Variants in RAB20 observed in about 807,000 individuals in gnomAD.
RAB20 encodes the protein RAB20, member RAS oncogene family.
A neutral mutation model predicts 3.7 loss-of-function variants in RAB20; 2 were observed. The observed-to-expected ratio is 0.54, with a 90% confidence interval of 0.22 to 1.69. The LOEUF (loss-of-function observed/expected upper bound fraction) is 1.69. RAB20 is among the 40% of genes most tolerant of loss of function. The probability of loss-of-function intolerance (pLI) is 0.19; values close to 1 mark genes in which losing one functional copy is unlikely to be tolerated. For missense variants in RAB20, 276 were observed against 311.9 expected, an observed-to-expected ratio of 0.88 and a Z score of 0.87; for synonymous variants, 126 against 130.8, an observed-to-expected ratio of 0.96 and a Z score of 0.25.
At chr13:110,546,470 C>T (rs939364675) in intron 1 of RAB20, among the ~76,000 whole-genome samples, 2 of 152,158 alleles carry the variant, frequency 1.3e-5, no homozygotes, top group African/African-American at 4.8e-5. Flanking sequence ...GAGATGGTAG[C>T]GTCCCGAAAG....
chr13:110,524,676 C>T (rs572742535), intron 1 of RAB20, among the ~76,000 whole-genome samples: 1 of 152,366 alleles, frequency 6.6e-6, no homozygotes, highest in East Asian at 1.9e-4. Flanking sequence ...CCCCTGGGTG[C>T]TCCCAGCTGC....
At chr13:110,557,814 C>A (rs967430803) in intron 1 of RAB20, among the ~76,000 whole-genome samples, 1 of 152,240 alleles carries the variant, frequency 6.6e-6, no homozygotes, top group African/African-American at 2.4e-5. Flanking sequence ...GCCTCCCGGC[C>A]GCCAGGCCAC....
intron 1 of RAB20, among the ~76,000 whole-genome samples, chr13:110,546,411 C>T (rs770940312): frequency 2.0e-5 from 3 of 152,172 alleles, no homozygotes; most frequent in Non-Finnish European, 4.4e-5. Flanking sequence ...AAAGGTACAA[C>T]CCTAAATTCA....
chr13:110,560,109 T>G lies in RAB20; in HGVS notation c.172+1239A>C, dbSNP rs921635795. Among the ~76,000 whole-genome samples, 65 of 152,216 alleles carry G rather than the reference T, an allele frequency of 4.3e-4. 2 individuals carry two copies. The highest frequency in any genetic ancestry group is 3.9e-3 in the Admixed American group (60 of 15,274). ...CGTGAATTGGGTTCGATTTGACTTC[T>G]AGAGCGTGTGTTCCATCGTTACCAA... On this transcript the variant is annotated intron_variant, in intron 1 of 1. Coordinates refer to ENST00000267328, the MANE Select transcript of RAB20 (RefSeq NM_017817.3).
At chr13:110,540,152 G>T (rs974325109) in intron 1 of RAB20, among the ~76,000 whole-genome samples, 1 of 152,202 alleles carries the variant, frequency 6.6e-6, no homozygotes, top group Non-Finnish European at 1.5e-5. Context: ...TTAACACTCC[G>T]ATATTAACAG....
intron 1 of RAB20, among the ~76,000 whole-genome samples, chr13:110,558,775 T>C (rs1161219117): frequency 7.0e-6 from 1 of 142,502 alleles, no homozygotes; most frequent in Non-Finnish European, 1.5e-5. Flanking sequence ...CTTGGCTCAC[T>C]GCAACCTCTG....
At chr13:110,548,960 G>A (rs1289231625) in intron 1 of RAB20, among the ~76,000 whole-genome samples, 3 of 152,216 alleles carry the variant, frequency 2.0e-5, no homozygotes, top group Non-Finnish European at 4.4e-5. Context: ...GCCAGGTAAG[G>A]GCTGGGTCCC....
chr13:110,537,995 G>C (rs979363301), intron 1 of RAB20, among the ~76,000 whole-genome samples: 5 of 152,136 alleles, frequency 3.3e-5, no homozygotes, highest in African/African-American at 1.2e-4. Flanking sequence ...TTAGAAAAAA[G>C]AATGAAGGCC....
Position 110,561,585 on chromosome 13 carries a change from G to A in RAB20, c.-66C>T, listed in dbSNP as rs1009449353. On this transcript the variant is annotated 5_prime_UTR_variant, in exon 1 of 2. Coordinates refer to ENST00000267328, the MANE Select transcript of RAB20 (RefSeq NM_017817.3). ...GAGGCTGGCCGGCTCGTGCGCCCTG[G>A]GCGCAGCTGGAGGAGCGGACCCCGG... is the stretch of plus-strand genomic sequence containing the variant. 32 of 1,496,172 alleles carry A rather than the reference G, an allele frequency of 2.1e-5. No homozygotes were observed. Among genetic ancestry groups the A allele is most frequent in the Non-Finnish European group, 2.8e-5 (31 of 1,125,858 alleles). The allele number at this position is 1,496,172 out of a possible 1,614,324, so 92.7% of individuals were successfully genotyped here. A position where few individuals can be genotyped will look rare whatever the true frequency, so the allele number is the denominator to read the frequency against.
intron 1 of RAB20, among the ~76,000 whole-genome samples, chr13:110,543,771 G>GTTTT (rs139608593): frequency 7.7e-5 from 6 of 78,370 alleles, no homozygotes; most frequent in African/African-American, 3.1e-4. Context: ...TCAAATGTGG[G>GTTTT]TTATTTTTTT....
In RAB20 at chr13:110,536,986, G is replaced by GTT. The variant is rs147636207; in HGVS notation, c.173-12791_173-12790dup. 2.5e-3 allele frequency among the ~76,000 whole-genome samples: 276 copies of GTT among 109,564 alleles called. 7 individuals carry two copies. Among genetic ancestry groups the GTT allele is most frequent in the African/African-American group, 0.01 (258 of 25,220 alleles). 71.9% of individuals were successfully genotyped at this position (109,564 alleles called of 152,430 possible). ...GATGTTCCCCTTCCTGTGTCCAAGT[G>GTT]TTTTTTTTTGTGTGAGACAGGGTCT... On this transcript the variant is annotated intron_variant, in intron 1 of 1. Coordinates refer to ENST00000267328, the MANE Select transcript of RAB20 (RefSeq NM_017817.3).
chr13:110,557,981 G>A (rs1336802761), intron 1 of RAB20, among the ~76,000 whole-genome samples: 5 of 152,244 alleles, frequency 3.3e-5, no homozygotes. Flanking sequence ...TTCACTTCTT[G>A]CCTGCCTTTC....
rs190960079 is a variant in RAB20 at position 110,537,049 on chromosome 13, G to A, written c.173-12852C>T. ...CAGGCTGGAGTGCAGTGGTGCAATC[G>A]TAGCTCATTGCAGCTGTGACCTCCC... On this transcript the variant is annotated intron_variant, in intron 1 of 1. Transcript: ENST00000267328. Among the ~76,000 whole-genome samples, 71 of 150,998 alleles carry A rather than the reference G, an allele frequency of 4.7e-4. No individual in the cohort carries two copies. The East Asian group carries it at 9.0e-3, about 19-fold the overall frequency.
intron 1 of RAB20, among the ~76,000 whole-genome samples, chr13:110,540,742 CAA>C (rs57711956): frequency 1.4e-3 from 205 of 142,266 alleles, no homozygotes; most frequent in African/African-American, 3.0e-3. Flanking sequence ...AACTCCGTCT[CAA>C]AAAAAAAAAA....
rs1884614752 is a variant in RAB20 at position 110,534,994 on chromosome 13, TG to T, written c.173-10798del. Among the ~76,000 whole-genome samples the T allele has an allele frequency of 2.3e-5, 3 of 131,958 alleles. No individual in the cohort carries two copies. In the South Asian group the frequency reaches 7.2e-4, roughly 32 times the overall value. 86.6% of individuals were successfully genotyped at this position (131,958 alleles called of 152,430 possible). Reference sequence around the variant, plus strand: ...GACTACAGGTGTGTACCACCACGCCTGGCTAATTTTTTAATTTTTAGTAGAG... The same window carrying T: ...GACTACAGGTGTGTACCACCACGCCTGCTAATTTTTTAATTTTTAGTAGAG... On this transcript the variant is annotated intron_variant, in intron 1 of 1. Coordinates refer to ENST00000267328, the MANE Select transcript of RAB20 (RefSeq NM_017817.3).
intron 1 of RAB20, among the ~76,000 whole-genome samples, chr13:110,539,960 C>A (rs1009640862): frequency 6.6e-6 from 1 of 152,236 alleles, no homozygotes; most frequent in African/African-American, 2.4e-5. Flanking sequence ...TCATACGCCA[C>A]ATGAACCACT....
chr13:110,537,833 GCC>G (rs757404871), intron 1 of RAB20, among the ~76,000 whole-genome samples: 1 of 152,218 alleles, frequency 6.6e-6, no homozygotes. Flanking sequence ...AAGCATGCAG[GCC>G]CCAGTCACAG....
Position 110,523,751 on chromosome 13 carries a change from G to C in RAB20, c.619C>G (p.Gln207Glu), listed in dbSNP as rs781408878. Reference sequence around the variant, plus strand: ...TGTGACGGCCTCTCAGCTCTCTGCTGTAAGATCATTGGCACCACCAGGTCA... The same window carrying C: ...TGTGACGGCCTCTCAGCTCTCTGCTCTAAGATCATTGGCACCACCAGGTCA... ...LFDLVVPMIL[Q>E]QRAERPSHTV... The change falls in exon 2 of 2, where the codon CAG (glutamine) becomes GAG (glutamate). Residue 207 changes from glutamine (Q) to glutamate (E), a missense_variant. Transcript: ENST00000267328. The C allele has an allele frequency of 1.2e-6, 2 of 1,614,200 alleles. No homozygotes were observed. Among genetic ancestry groups the C allele is most frequent in the South Asian group, 2.2e-5 (2 of 91,084 alleles).
At position 110,524,153 on chromosome 13, in the gene RAB20, C is replaced by T. The variant is rs1340732568; in HGVS notation, c.217G>A (p.Ala73Thr). Residue 73 changes from alanine to threonine, a missense_variant, in exon 2 of 2, where the codon GCG becomes ACG. Transcript: ENST00000267328. ...HGLGSMYCRG[A>T]AAIILTYDVN... ...TCATAGGTGAGGATGATGGCGGCCG[C>T]CCCCCGGCAGTACATGGAGCCCAGG... is the stretch of plus-strand genomic sequence containing the variant. The T allele has an allele frequency of 6.2e-7, 1 of 1,605,434 alleles. No individual in the cohort carries two copies. The highest frequency in any genetic ancestry group is 8.5e-7 in the Non-Finnish European group (1 of 1,179,352).
Sources: allele counts gnomAD v4.1 joint callset (sites outside exome capture counted in the v4.1 genomes callset), GRCh38; gene constraint gnomAD v4.1.1; transcripts MANE v1.5; gene names NCBI Gene and HGNC (gene_info 2026-07-23, HGNC 2026-07-21).